The following BTBD2 variants were observed in gnomAD, a reference collection of about 807,000 sequenced individuals.
The protein encoded by BTBD2 is BTB/POZ domain-containing protein 2.
BTBD2 carries 15 observed loss-of-function variants against 44.0 expected under a neutral mutation model. The ratio of observed to expected loss-of-function variants is 0.34; its 90% CI spans 0.23 to 0.53. The LOEUF (loss-of-function observed/expected upper bound fraction) is 0.53. Ranked by LOEUF, BTBD2 falls within the 20% of genes least tolerant of loss-of-function variation. The pLI, the probability that BTBD2 is intolerant of heterozygous loss-of-function variation, is 0.95. For missense variants in BTBD2, 657 were observed against 746.4 expected (o/e 0.88, Z 1.39); for synonymous variants, 443 against 335.9 (o/e 1.32, Z -3.49).
intron 1 of BTBD2, among the ~76,000 whole-genome samples, chr19:2,011,296 C>T (rs552016873): frequency 6.6e-6 from 1 of 152,266 alleles, no homozygotes; most frequent in East Asian, 1.9e-4. Context: ...CCCCTCATTT[C>T]TGCCGTCCCC....
chr19:2,011,384 C>T (rs929876021), intron 1 of BTBD2, among the ~76,000 whole-genome samples: 5 of 152,132 alleles, frequency 3.3e-5, no homozygotes, highest in Admixed American at 6.6e-5. Context: ...ATCCACGGCG[C>T]GTTCCACCCT....
intron 1 of BTBD2, among the ~76,000 whole-genome samples, chr19:2,004,385 C>G (rs1380106806): frequency 2.6e-5 from 4 of 151,168 alleles, no homozygotes; most frequent in Non-Finnish European, 5.9e-5. Flanking sequence ...ACAAAATCTG[C>G]CTCCCGGGTG....
intron 4 of BTBD2, chr19:1,990,437 T>C (rs1167371292): frequency 4.9e-6 from 3 of 616,942 alleles, no homozygotes; most frequent in African/African-American, 3.7e-5. Context: ...TTGAGTAGCT[T>C]TGACAAAAGC....
At chr19:1,990,347 AT>A in intron 4 of BTBD2, 146 bp from the exon 5 acceptor site, 1 of 837,728 alleles carries the variant, frequency 1.2e-6, no homozygotes, top group Non-Finnish European at 1.8e-6. Context: ...GAGTGTGTTT[AT>A]AAATAAAGCT....
chr19:2,007,469 G>T (rs1190023831), intron 1 of BTBD2, among the ~76,000 whole-genome samples: 1 of 152,010 alleles, frequency 6.6e-6, no homozygotes, highest in Non-Finnish European at 1.5e-5. Flanking sequence ...TATCTGTTTT[G>T]GTTTTGTTTT....
intron 1 of BTBD2, among the ~76,000 whole-genome samples, chr19:2,009,060 C>T (rs993707058): frequency 1.8e-4 from 28 of 151,828 alleles, no homozygotes; most frequent in African/African-American, 6.3e-4. Context: ...GCTTTGTCAC[C>T]CAGGCTGAAG....
intron 4 of BTBD2, 163 bp from the exon 5 acceptor site, chr19:1,990,364 A>G (rs1173871135): frequency 4.1e-6 from 3 of 735,942 alleles, no homozygotes; most frequent in Non-Finnish European, 6.6e-6. Flanking sequence ...AAGCTTTATC[A>G]ACACAAGACC....
rs534887587 is a variant in BTBD2, at chr19:1,999,916, C to T, written c.408-2453G>A. Among the ~76,000 whole-genome samples, 16 of 149,280 alleles carry T rather than the reference C, an allele frequency of 1.1e-4. No individual in the cohort carries two copies. The East Asian group carries it at 3.0e-3, about 28-fold the overall frequency. ...GGCGGAGGTTTCAGTGAGCCAAGAT[C>T]ACGCCATTGCACTCCTGCTTGGGTG... On this transcript the variant is annotated intron_variant, in intron 1 of 8. Coordinates refer to ENST00000255608, the MANE Select transcript of BTBD2 (RefSeq NM_017797.4).
intron 2 of BTBD2, among the ~76,000 whole-genome samples, chr19:1,997,055 C>T (rs2016260543): frequency 6.6e-6 from 1 of 151,896 alleles, no homozygotes; most frequent in African/African-American, 2.4e-5. Flanking sequence ...TGGCACGAGC[C>T]TGTAGTCCCA....
intron 1 of BTBD2, among the ~76,000 whole-genome samples, chr19:2,005,287 A>AAGACCGAGTGGAGTGG: frequency 6.6e-6 from 1 of 152,090 alleles, no homozygotes; most frequent in East Asian, 1.9e-4. Context: ...TCTCCTGGAT[A>AAGACCGAGTGGAGTGG]AATGCCTCGG....
rs1389062575 is a variant in BTBD2 at position 1,997,482 on chromosome 19, G to A, written c.408-19C>T. 6.2e-7 allele frequency: 1 copy of A among 1,613,462 alleles called. No individual in the cohort carries two copies. Among genetic ancestry groups the A allele is most frequent in the Non-Finnish European group, 8.5e-7 (1 of 1,179,910 alleles). ...CACGAACCTGGTACGGGAGAGAGAAGGCCCTGGTTAAGCCCGTGGCCGCCA... is the reference window on the plus strand; with the variant it reads ...CACGAACCTGGTACGGGAGAGAGAAAGCCCTGGTTAAGCCCGTGGCCGCCA... On this transcript the variant is annotated intron_variant, in intron 1 of 8. Coordinates refer to ENST00000255608, the MANE Select transcript of BTBD2 (RefSeq NM_017797.4).
intron 1 of BTBD2, among the ~76,000 whole-genome samples, chr19:2,003,939 T>G (rs2016362144): frequency 6.6e-6 from 1 of 151,536 alleles, no homozygotes; most frequent in Non-Finnish European, 1.5e-5. Context: ...GCTACATACC[T>G]CCCTCCCAAT....
intron 2 of BTBD2, 145 bp downstream of exon 2, chr19:1,997,199 C>A (rs887481588): frequency 1.1e-5 from 13 of 1,225,268 alleles, no homozygotes; most frequent in South Asian, 1.5e-5. Flanking sequence ...AAAAAAAGTG[C>A]CTCTGGAACC....
At chr19:2,005,963 C>G (rs1328581363) in intron 1 of BTBD2, among the ~76,000 whole-genome samples, 3 of 151,650 alleles carry the variant, frequency 2.0e-5, no homozygotes, top group Non-Finnish European at 4.4e-5. Flanking sequence ...TGGTGCATGT[C>G]TATAGTCCCA....
At chr19:1,999,804 A>G (rs1336371540) in intron 1 of BTBD2, among the ~76,000 whole-genome samples, 12 of 151,838 alleles carry the variant, frequency 7.9e-5, no homozygotes, top group Non-Finnish European at 1.6e-4. Context: ...TCTACTAAAA[A>G]TACAAAAATT....
At position 1,986,982 on chromosome 19, in the gene BTBD2, G is replaced by A. The variant is rs972813833; in HGVS notation, c.1270-6C>T. On this transcript the variant is annotated splice_region_variant and splice_polypyrimidine_tract_variant and intron_variant, in intron 7 of 8. Coordinates refer to ENST00000255608, the MANE Select transcript of BTBD2 (RefSeq NM_017797.4). ...TTGCTATCGGTGTGAATAATCTGCG[G>A]GGAGGTGGGAAGTGGGAGGCTCAGG... The A allele has an allele frequency of 6.2e-7, 1 of 1,610,170 alleles. No homozygotes were observed. Among genetic ancestry groups the A allele is most frequent in the Non-Finnish European group, 8.5e-7 (1 of 1,177,868 alleles).
At chr19:1,991,019 C>T (rs902239369) in intron 3 of BTBD2, 197 bp from the exon 4 acceptor site, 8 of 558,838 alleles carry the variant, frequency 1.4e-5, no homozygotes, top group South Asian at 4.1e-5. Flanking sequence ...CTGACTGGGG[C>T]GGGAGAGTTG....
intron 1 of BTBD2, among the ~76,000 whole-genome samples, chr19:2,007,478 T>G (rs2016408942): frequency 6.6e-6 from 1 of 152,182 alleles, no homozygotes; most frequent in Non-Finnish European, 1.5e-5. Context: ...TGGTTTTGTT[T>G]TACACACAGT....
intron 1 of BTBD2, among the ~76,000 whole-genome samples, chr19:2,005,041 CAATCTCCT>C (rs1457810327): frequency 6.6e-6 from 1 of 151,706 alleles, no homozygotes; most frequent in Admixed American, 6.6e-5. Flanking sequence ...AGGATGGTCT[CAATCTCCT>C]GACCTCGTGA....
Sources: allele counts gnomAD v4.1 joint callset (sites outside exome capture counted in the v4.1 genomes callset), GRCh38; gene constraint gnomAD v4.1.1; transcripts MANE v1.5; gene names NCBI Gene and HGNC (gene_info 2026-07-23, HGNC 2026-07-21).